RNF122: variants seen among roughly 807,000 people sequenced by gnomAD.
RNF122 encodes the protein ring finger protein 122.
In RNF122, 17 loss-of-function variants were observed where a neutral mutation model predicts 24.2. The ratio of observed to expected loss-of-function variants is 0.70; its 90% confidence interval spans 0.48 to 1.06. The LOEUF (loss-of-function observed/expected upper bound fraction) is 1.06, where lower values mean the gene tolerates loss of function less well. RNF122 is among the 50% of genes least tolerant of loss of function. The pLI is 0.00. For synonymous variants in RNF122, 65 were observed against 71.8 expected (o/e 0.91, Z 0.48); for missense variants, 168 against 198.1 (o/e 0.85, Z 0.91).
At position 33,558,669 on chromosome 8, in the gene RNF122, C is replaced by G; in HGVS notation, c.128G>C (p.Gly43Ala). Residue 43 changes from glycine to alanine, a missense_variant, in exon 2 of 6, where the codon GGC (glycine) becomes GCC (alanine). Gly to Ala is a moderately conservative substitution (Grantham distance 60). Coordinates refer to ENST00000256257, the MANE Select transcript of RNF122 (RefSeq NM_024787.3). ...LPLNIYMVIF[G>A]TGIFVFMLSL... Reference sequence around the variant, plus strand: ...GAGCATGAAGACAAAGATGCCTGTGCCGAAGATGACCATATAGATGTTGAG... The same window carrying G: ...GAGCATGAAGACAAAGATGCCTGTGGCGAAGATGACCATATAGATGTTGAG... The G allele has an allele frequency of 6.2e-7, 1 of 1,611,842 alleles. No individual in the cohort carries two copies. Among genetic ancestry groups the G allele is most frequent in the East Asian group, 2.2e-5 (1 of 44,858 alleles).
chr8:33,553,104 A>G (rs1266315741), intron 2 of RNF122, among the ~76,000 whole-genome samples: 1 of 146,814 alleles, frequency 6.8e-6, no homozygotes, highest in East Asian at 2.0e-4. Flanking sequence ...TGCCTCCTCT[A>G]TGTGTGCTAT....
intron 2 of RNF122, among the ~76,000 whole-genome samples, chr8:33,555,605 T>A (rs1231605274): frequency 6.6e-6 from 1 of 152,212 alleles, no homozygotes; most frequent in Non-Finnish European, 1.5e-5. Context: ...AAGGGGGTGG[T>A]TGTGGAGCCT....
chr8:33,555,755 G>C (rs1810442352), intron 2 of RNF122, among the ~76,000 whole-genome samples: 1 of 152,204 alleles, frequency 6.6e-6, no homozygotes, highest in Admixed American at 6.5e-5. Context: ...ATCCTGAACA[G>C]TCTGAGCATG....
chr8:33,551,756 A>G (rs1226735241), intron 2 of RNF122, among the ~76,000 whole-genome samples: 14 of 152,166 alleles, frequency 9.2e-5, no homozygotes, highest in Non-Finnish European at 1.9e-4. Context: ...AGTTAGACAG[A>G]TATGCATAAA....
intron 2 of RNF122, among the ~76,000 whole-genome samples, chr8:33,552,824 C>T (rs1017408083): frequency 7.2e-5 from 11 of 151,874 alleles, no homozygotes; most frequent in African/African-American, 1.5e-4. Flanking sequence ...TTTGGGAGGC[C>T]GAGGTGGGCA....
intron 2 of RNF122, among the ~76,000 whole-genome samples, chr8:33,553,988 C>T (rs1226513296): frequency 6.6e-6 from 1 of 152,218 alleles, no homozygotes; most frequent in Non-Finnish European, 1.5e-5. Flanking sequence ...AAAGGCCTAA[C>T]CAAGGCTCCC....
At chr8:33,556,255 G>A (rs1810451374) in intron 2 of RNF122, among the ~76,000 whole-genome samples, 1 of 151,166 alleles carries the variant, frequency 6.6e-6, no homozygotes, top group Admixed American at 6.6e-5. Flanking sequence ...ATGAACTCTG[G>A]TCACCCACTT....
At chr8:33,562,053 C>T (rs185488150) in intron 1 of RNF122, among the ~76,000 whole-genome samples, 133 of 152,242 alleles carry the variant, frequency 8.7e-4, no homozygotes, top group African/African-American at 3.0e-3. Flanking sequence ...CTGCCTGAAA[C>T]GCTCTCTCTG....
At chr8:33,562,855 G>A (rs893310266) in intron 1 of RNF122, among the ~76,000 whole-genome samples, 5 of 152,010 alleles carry the variant, frequency 3.3e-5, no homozygotes, top group African/African-American at 4.8e-5. Context: ...CCTGGGAAGC[G>A]GAGGTTGCAG....
At chr8:33,558,792 A>AG in intron 1 of RNF122, 21 bp from the exon 2 acceptor site, 2 of 1,533,332 alleles carry the variant, frequency 1.3e-6, no homozygotes, top group Non-Finnish European at 1.8e-6. Flanking sequence ...AGAGAAAAAA[A>AG]AATCATTAGG....
chr8:33,553,832 C>T (rs76590445), intron 2 of RNF122, among the ~76,000 whole-genome samples: 5,229 of 152,202 alleles, frequency 0.034, 272 homozygotes, highest in African/African-American at 0.11. Flanking sequence ...GGTGTCCTGG[C>T]GAGGTTCATG....
chr8:33,549,019 G>A (rs575717702), intron 5 of RNF122, 152 bp from the exon 6 acceptor site: 5 of 643,868 alleles, frequency 7.8e-6, no homozygotes, highest in African/African-American at 7.2e-5. Context: ...TCAGGAGTTC[G>A]AGACCAGCCT....
chr8:33,558,527 C>T lies in RNF122; in HGVS notation c.182+88G>A, dbSNP rs780421895. The T allele has an allele frequency of 6.6e-5, 76 of 1,157,582 alleles. 1 individual carries two copies. The highest frequency in any genetic ancestry group is 8.7e-5 in the Non-Finnish European group (73 of 841,362). The allele number at this position is 1,157,582 out of a possible 1,614,324, so 71.7% of individuals were successfully genotyped here. A position where few individuals can be genotyped will look rare whatever the true frequency, so the allele number is the denominator to read the frequency against. On this transcript the variant is annotated intron_variant, in intron 2 of 5. Coordinates refer to ENST00000256257, the MANE Select transcript of RNF122 (RefSeq NM_024787.3). ...CTCCAGTATAAGACTGGTGACTCTG[C>T]TGTGGGACCCTCGCTCAGCTTACCC...
intron 1 of RNF122, among the ~76,000 whole-genome samples, chr8:33,560,834 G>C (rs933416560): frequency 6.6e-6 from 1 of 152,086 alleles, no homozygotes; most frequent in African/African-American, 2.4e-5. Context: ...GGAGGTTGAG[G>C]TAGGAGAATC....
chr8:33,557,621 C>A (rs1810474865), intron 2 of RNF122, among the ~76,000 whole-genome samples: 1 of 118,076 alleles, frequency 8.5e-6, no homozygotes, highest in African/African-American at 3.5e-5. Flanking sequence ...AAGTGAGACA[C>A]CGTCTCAAAA....
chr8:33,551,308 G>C, intron 3 of RNF122, 36 bp downstream of exon 3: 1 of 1,611,960 alleles, frequency 6.2e-7, no homozygotes, highest in African/African-American at 1.3e-5. Context: ...AGGTCAGGCA[G>C]AGAAGGAAGC....
intron 2 of RNF122, among the ~76,000 whole-genome samples, chr8:33,556,659 A>G (rs1001529323): frequency 6.6e-6 from 1 of 152,202 alleles, no homozygotes; most frequent in Admixed American, 6.5e-5. Flanking sequence ...ATTCAAGGAA[A>G]AAAACAGGCT....
rs773868138 is a variant in RNF122, at chr8:33,551,019, C to T, written c.270+25G>A. 6 of 1,613,224 alleles carry T rather than the reference C, an allele frequency of 3.7e-6. No individual in the cohort carries two copies. The African/African-American group carries it at 4.0e-5, about 11-fold the overall frequency. ...GTCTGCCTCACCTGCTGGGGCCCTC[C>T]TGCACACTTTCCTGGCACACTTACC... On this transcript the variant is annotated intron_variant, in intron 4 of 5. Coordinates refer to ENST00000256257, the MANE Select transcript of RNF122 (RefSeq NM_024787.3).
At chr8:33,566,515 T>A (rs1274487731) in intron 1 of RNF122, among the ~76,000 whole-genome samples, 184 bp downstream of exon 1, 2 of 152,064 alleles carry the variant, frequency 1.3e-5, no homozygotes, top group African/African-American at 4.8e-5. Context: ...GAGTGAAACC[T>A]GGATAGTTTC....
Sources: allele counts gnomAD v4.1 joint callset (sites outside exome capture counted in the v4.1 genomes callset), GRCh38; gene constraint gnomAD v4.1.1; transcripts MANE v1.5; gene names NCBI Gene and HGNC (gene_info 2026-07-23, HGNC 2026-07-21).